The following CAPZA1 variants were observed in gnomAD, a reference collection of about 807,000 sequenced individuals.
CAPZA1 encodes the protein capping actin protein of muscle Z-line subunit alpha 1, also known as F-actin-capping protein subunit alpha-1.
In CAPZA1, 10 loss-of-function variants were observed where a neutral mutation model predicts 40.8. The observed-to-expected ratio is 0.25, with a 90% CI of 0.15 to 0.42. The LOEUF (loss-of-function observed/expected upper bound fraction) is 0.42, where lower values mean the gene tolerates loss of function less well. Ranked by LOEUF, CAPZA1 falls within the 10% of genes least tolerant of loss-of-function variation. The pLI, the probability that CAPZA1 is intolerant of heterozygous loss-of-function variation, is 1.00. For missense variants in CAPZA1, 277 were observed against 353.8 expected, an observed-to-expected ratio of 0.78 and a Z score of 1.74; for synonymous variants, 98 against 115.0, an observed-to-expected ratio of 0.85 and a Z score of 0.95.
chr1:112,621,346 G>C (rs1459961349), intron 1 of CAPZA1, among the ~76,000 whole-genome samples: 1 of 151,038 alleles, frequency 6.6e-6, no homozygotes. Context: ...CCGCCTCCCT[G>C]GTTCAAATTA....
chr1:112,625,726 A>G (rs1670792221), intron 1 of CAPZA1, among the ~76,000 whole-genome samples: 1 of 152,158 alleles, frequency 6.6e-6, no homozygotes, highest in African/African-American at 2.4e-5. Context: ...CCCATAAGTA[A>G]GCTTCCTAAT....
At chr1:112,666,632 T>C (rs1671728987) in intron 7 of CAPZA1, among the ~76,000 whole-genome samples, 1 of 152,234 alleles carries the variant, frequency 6.6e-6, no homozygotes, top group Admixed American at 6.5e-5. Context: ...TGGTCAGTTC[T>C]GCTTACCAAC....
intron 1 of CAPZA1, among the ~76,000 whole-genome samples, chr1:112,639,853 C>T (rs1570708606): frequency 7.2e-6 from 1 of 139,752 alleles, no homozygotes. Flanking sequence ...CCGCCCCGTC[C>T]GGGAGGGAGG....
At chr1:112,632,913 T>A (rs1161742517) in intron 1 of CAPZA1, among the ~76,000 whole-genome samples, 1 of 152,230 alleles carries the variant, frequency 6.6e-6, no homozygotes, top group African/African-American at 2.4e-5. Context: ...CTATTTTTTA[T>A]AATGTTGATT....
chr1:112,655,887 C>T (rs1262159504), intron 5 of CAPZA1, among the ~76,000 whole-genome samples: 4 of 152,068 alleles, frequency 2.6e-5, no homozygotes, highest in Admixed American at 2.6e-4. Context: ...TCCCTCTTGA[C>T]TGTAAAAATA....
chr1:112,647,221 TG>T lies in CAPZA1; in HGVS notation c.52del (p.Ala18LeufsTer48). ...VSDEEKVRIA[A>X]KFITHAPPGE... ...TTGTTTCTCTTTAGGTACGCATAGC[TG>T]CTAAATTCATCACTCATGCACCCCC... is the stretch of plus-strand genomic sequence containing the variant. On this transcript the variant is annotated frameshift_variant, in exon 2 of 10. Transcript: ENST00000263168. LOFTEE classifies it high-confidence loss of function. 1 of 1,530,704 alleles carries T rather than the reference TG, an allele frequency of 6.5e-7. No homozygotes were observed. The highest frequency in any genetic ancestry group is 8.9e-7 in the Non-Finnish European group (1 of 1,129,860). The allele number at this position is 1,530,704 out of a possible 1,614,324, so 94.8% of individuals were successfully genotyped here. A position where few individuals can be genotyped will look rare whatever the true frequency, so the allele number is the denominator to read the frequency against.
intron 7 of CAPZA1, among the ~76,000 whole-genome samples, chr1:112,665,401 A>G (rs1041822225): frequency 4.0e-5 from 6 of 151,856 alleles, no homozygotes; most frequent in African/African-American, 1.5e-4. Flanking sequence ...GCTGGTTTCG[A>G]ACTCCTGACC....
intron 1 of CAPZA1, 92 bp downstream of exon 1, chr1:112,619,975 A>G (rs1160961671): frequency 2.9e-6 from 3 of 1,036,990 alleles, no homozygotes; most frequent in Non-Finnish European, 2.9e-6. Context: ...TGTCCCCAGG[A>G]AAAAGAAGCT....
At position 112,670,626 on chromosome 1, in the gene CAPZA1, C is replaced by G. The variant is rs1060168; in HGVS notation, c.*494C>G. ...ATGGAAGACACATTCATCCTTCTCC[C>G]TCTGACTGCTTTGATCATCATTTAT... On this transcript the variant is annotated 3_prime_UTR_variant, in exon 10 of 10. Transcript: ENST00000263168. 6.5e-6 allele frequency: 1 copy of G among 152,772 alleles called. No homozygotes were observed. The highest frequency in any genetic ancestry group is 2.4e-5 in the African/African-American group (1 of 41,446). 9.5% of individuals were successfully genotyped at this position (152,772 alleles called of 1,614,324 possible).
chr1:112,649,694 A>G (rs985737625), intron 3 of CAPZA1: 1 of 537,310 alleles, frequency 1.9e-6, no homozygotes, highest in African/African-American at 2.0e-5. Context: ...ATTTCTGCCC[A>G]CATTTGCCCG....
intron 7 of CAPZA1, among the ~76,000 whole-genome samples, 170 bp downstream of exon 7, chr1:112,659,949 G>A (rs12120956): frequency 0.2 from 30,557 of 151,862 alleles, 3,835 homozygotes; most frequent in East Asian, 0.47. Flanking sequence ...GAGCTATTCT[G>A]AGTTGATAAA....
intron 7 of CAPZA1, among the ~76,000 whole-genome samples, chr1:112,664,230 CAAAA>C (rs570249032): frequency 8.1e-5 from 9 of 110,460 alleles, no homozygotes; most frequent in Admixed American, 1.9e-4. Context: ...GACACTGTCT[CAAAA>C]AAAAAAAAAA....
intron 8 of CAPZA1, among the ~76,000 whole-genome samples, chr1:112,668,019 C>T (rs1342798586): frequency 1.3e-5 from 2 of 152,028 alleles, no homozygotes; most frequent in Non-Finnish European, 2.9e-5. Flanking sequence ...GGAGTGGTGG[C>T]TCACACCTGT....
intron 4 of CAPZA1, 62 bp from the exon 5 acceptor site, chr1:112,654,403 A>T: frequency 1.9e-6 from 2 of 1,074,206 alleles, no homozygotes; most frequent in Non-Finnish European, 2.7e-6. Flanking sequence ...GATGTGTTTC[A>T]TAAAAGGCAG....
chr1:112,652,770 A>G (rs1407272243), intron 3 of CAPZA1, among the ~76,000 whole-genome samples: 6 of 151,830 alleles, frequency 4.0e-5, no homozygotes, highest in South Asian at 2.1e-4. Context: ...TTTTAAGAAT[A>G]TAAGTGTAGC....
intron 1 of CAPZA1, among the ~76,000 whole-genome samples, chr1:112,631,537 CT>C (rs1433946287): frequency 2.0e-5 from 3 of 152,130 alleles, no homozygotes; most frequent in African/African-American, 7.2e-5. Flanking sequence ...AAAAGATATA[CT>C]TTAAGTTAGA....
In CAPZA1 at chr1:112,671,100, T is replaced by C. The variant is rs906921260; in HGVS notation, c.*968T>C. ...TAACTTCCAGGCAGTATCTTTCTAT[T>C]GTAACCTGTTATTTAAGGAAATACT... On this transcript the variant is annotated 3_prime_UTR_variant, in exon 10 of 10. Transcript: ENST00000263168. 1.1e-4 allele frequency: 17 copies of C among 152,670 alleles called. No individual in the cohort carries two copies. Among genetic ancestry groups the C allele is most frequent in the Non-Finnish European group, 2.1e-4 (14 of 68,048 alleles). The allele number at this position is 152,670 out of a possible 1,614,324, so 9.5% of individuals were successfully genotyped here.
At chr1:112,620,999 TAAG>T (rs149649257) in intron 1 of CAPZA1, among the ~76,000 whole-genome samples, 4,920 of 152,202 alleles carry the variant, frequency 0.032, 287 homozygotes, top group African/African-American at 0.11. Context: ...TTTTTTTCAA[TAAG>T]AAGTTGGGAT....
At chr1:112,653,160 T>C (rs1443280088) in intron 3 of CAPZA1, among the ~76,000 whole-genome samples, 1 of 152,200 alleles carries the variant, frequency 6.6e-6, no homozygotes, top group African/African-American at 2.4e-5. Flanking sequence ...TTCACAATAA[T>C]TAGATTGCTT....
Sources: gnomAD v4.1 joint callset for allele counts (sites outside exome capture counted in the v4.1 genomes callset) on GRCh38, gnomAD v4.1.1 for gene constraint, MANE v1.5 for transcripts, NCBI Gene and HGNC (gene_info 2026-07-23, HGNC 2026-07-21) for gene names.